Variants in CNOT6L observed in about 807,000 individuals in gnomAD.
CNOT6L encodes the protein CCR4-NOT transcription complex subunit 6-like.
In CNOT6L, 7 loss-of-function variants were observed where a neutral mutation model predicts 64.0. The ratio of observed to expected loss-of-function variants is 0.11; its 90% confidence interval spans 0.06 to 0.21. The LOEUF is 0.21. CNOT6L is among the 10% of genes least tolerant of loss of function. CNOT6L has a pLI of 1.00. For missense variants in CNOT6L, 245 were observed against 669.0 expected (o/e 0.37, Z 6.99); for synonymous variants, 193 against 243.4 (o/e 0.79, Z 1.93).
At chr4:77,809,558 T>C (rs1010148791) in intron 1 of CNOT6L, among the ~76,000 whole-genome samples, 3 of 152,166 alleles carry the variant, frequency 2.0e-5, no homozygotes, top group South Asian at 4.1e-4. Context: ...AATATGAACC[T>C]ATAGAAGAAT....
At chr4:77,763,428 T>A (rs1302157935) in intron 4 of CNOT6L, among the ~76,000 whole-genome samples, 1 of 152,100 alleles carries the variant, frequency 6.6e-6, no homozygotes, top group Non-Finnish European at 1.5e-5. Context: ...AGTATTGGGT[T>A]CAATTCACCA....
At chr4:77,820,001 C>T (rs1473250185), upstream of CNOT6L, among the ~76,000 whole-genome samples, 1 of 152,056 alleles carries the variant, frequency 6.6e-6, no homozygotes, top group Non-Finnish European at 1.5e-5. Context: ...GCTACTGCTC[C>T]GAGAGCCACG....
chr4:77,770,801 G>A (rs1223697900), intron 4 of CNOT6L, among the ~76,000 whole-genome samples: 2 of 152,166 alleles, frequency 1.3e-5, no homozygotes, highest in African/African-American at 2.4e-5. Flanking sequence ...TCGAAGGCCA[G>A]CCAAAGACAA....
chr4:77,752,679 A>C (rs2109982635), intron 5 of CNOT6L, among the ~76,000 whole-genome samples: 1 of 152,216 alleles, frequency 6.6e-6, no homozygotes, highest in African/African-American at 2.4e-5. Context: ...GATAATGAAA[A>C]TAATACAAAC....
intron 1 of CNOT6L, among the ~76,000 whole-genome samples, chr4:77,800,967 T>G (rs1731470414): frequency 6.6e-6 from 1 of 152,158 alleles, no homozygotes; most frequent in Non-Finnish European, 1.5e-5. Flanking sequence ...ATGAATAAAA[T>G]GCCTACAAAA....
chr4:77,744,946 G>A (rs764177835), intron 6 of CNOT6L, 71 bp from the exon 7 acceptor site: 121 of 1,265,730 alleles, frequency 9.6e-5, no homozygotes, highest in Non-Finnish European at 1.3e-4. Context: ...GCAATATCAT[G>A]TGTACACCTG....
At chr4:77,759,740 C>T (rs1174681453) in intron 4 of CNOT6L, among the ~76,000 whole-genome samples, 2 of 152,122 alleles carry the variant, frequency 1.3e-5, no homozygotes, top group African/African-American at 4.8e-5. Context: ...CCTATGGTTA[C>T]TGACAGAAAA....
Position 77,774,519 on chromosome 4 carries a change from T to C in CNOT6L, c.314+11A>G. On this transcript the variant is annotated intron_variant, in intron 3 of 11. Coordinates refer to ENST00000504123, the MANE Select transcript of CNOT6L (RefSeq NM_144571.3). ...TTTATATAGTGAGTCATGTCTGTTT[T>C]ATTTCCTCACCTGAGAGACACCATG... 1 of 1,585,736 alleles carries C rather than the reference T, an allele frequency of 6.3e-7. No individual in the cohort carries two copies. The highest frequency in any genetic ancestry group is 2.2e-5 in the East Asian group (1 of 44,504).
chr4:77,761,023 G>T (rs1358006171), intron 4 of CNOT6L, among the ~76,000 whole-genome samples: 4 of 151,386 alleles, frequency 2.6e-5, no homozygotes, highest in African/African-American at 7.3e-5. Flanking sequence ...GCCAGGGAAA[G>T]GAAATATTAA....
At chr4:77,734,912 A>G (rs1336504386) in intron 8 of CNOT6L, among the ~76,000 whole-genome samples, 2 of 152,128 alleles carry the variant, frequency 1.3e-5, no homozygotes, top group African/African-American at 4.8e-5. Context: ...AGAATAATAA[A>G]AAAAAAATGA....
At chr4:77,722,106 C>G (rs1721345559) in intron 11 of CNOT6L, among the ~76,000 whole-genome samples, 1 of 152,110 alleles carries the variant, frequency 6.6e-6, no homozygotes, top group Non-Finnish European at 1.5e-5. Context: ...AGGTATTATC[C>G]CTTCATTTTG....
chr4:77,795,636 A>T (rs1577994944), intron 1 of CNOT6L, among the ~76,000 whole-genome samples: 2 of 151,984 alleles, frequency 1.3e-5, no homozygotes, highest in Non-Finnish European at 2.9e-5. Flanking sequence ...CTTCCCCTTC[A>T]CCTTCCACCA....
At chr4:77,807,026 C>T (rs1001618964) in intron 1 of CNOT6L, among the ~76,000 whole-genome samples, 6 of 152,026 alleles carry the variant, frequency 3.9e-5, no homozygotes, top group Admixed American at 1.3e-4. Flanking sequence ...TCATCTATGC[C>T]CTTAAAAACC....
chr4:77,741,990 G>T, intron 8 of CNOT6L, 151 bp downstream of exon 8: 1 of 663,706 alleles, frequency 1.5e-6, no homozygotes, highest in Non-Finnish European at 2.5e-6. Flanking sequence ...TACACAGCCT[G>T]AGAAATGAAA....
intron 7 of CNOT6L, among the ~76,000 whole-genome samples, chr4:77,742,718 G>A (rs912490087): frequency 4.6e-5 from 7 of 152,142 alleles, no homozygotes; most frequent in Non-Finnish European, 1.0e-4. Flanking sequence ...ATGGTGGAAA[G>A]AAATGATACC....
chr4:77,733,844 A>G (rs1722685495), intron 8 of CNOT6L, among the ~76,000 whole-genome samples: 1 of 152,108 alleles, frequency 6.6e-6, no homozygotes, highest in African/African-American at 2.4e-5. Flanking sequence ...ATAGATGTCA[A>G]TGCTCTCCCA....
intron 8 of CNOT6L, chr4:77,731,846 T>C: frequency 4.4e-6 from 1 of 225,252 alleles, no homozygotes. Flanking sequence ...AAGCCAACCT[T>C]CTAAAAATGG....
chr4:77,722,337 G>A (rs371104555), intron 11 of CNOT6L, among the ~76,000 whole-genome samples: 1 of 152,140 alleles, frequency 6.6e-6, no homozygotes, highest in East Asian at 1.9e-4. Flanking sequence ...AAGGCGGGCA[G>A]ATCACTTGAG....
At chr4:77,754,489 T>C (rs977674886) in intron 5 of CNOT6L, among the ~76,000 whole-genome samples, 1 of 152,166 alleles carries the variant, frequency 6.6e-6, no homozygotes, top group African/African-American at 2.4e-5. Context: ...AAGCCATCTA[T>C]AGATTCAATA....
Sources: allele counts gnomAD v4.1 joint callset (sites outside exome capture counted in the v4.1 genomes callset), GRCh38; gene constraint gnomAD v4.1.1; transcripts MANE v1.5; gene names NCBI Gene and HGNC (gene_info 2026-07-23, HGNC 2026-07-21).